Variants in POLR3A observed in about 807,000 individuals in gnomAD.
The protein encoded by POLR3A is RNA polymerase III subunit A, also known as DNA-directed RNA polymerase III subunit RPC1.
In POLR3A, 112 loss-of-function variants were observed where a neutral mutation model predicts 152.8. That is an observed-to-expected ratio of 0.73 (90% confidence interval 0.63 to 0.86). The LOEUF is 0.86. Ranked by LOEUF, POLR3A falls within the 40% of genes least tolerant of loss-of-function variation. The probability of loss-of-function intolerance (pLI) is 0.00; values close to 1 mark genes in which losing one functional copy is unlikely to be tolerated. For missense variants in POLR3A, 1,385 were observed against 1,743.1 expected (o/e 0.79, Z 3.66); for synonymous variants, 615 against 652.1 (o/e 0.94, Z 0.87).
intron 1 of POLR3A, among the ~76,000 whole-genome samples, chr10:78,027,512 T>C (rs1156867449): frequency 6.6e-6 from 1 of 151,958 alleles, no homozygotes; most frequent in Non-Finnish European, 1.5e-5. Context: ...ACAAAAAATT[T>C]GCTAGGCGTG....
At chr10:77,978,107 G>C (rs948458656) in intron 30 of POLR3A, among the ~76,000 whole-genome samples, 1 of 152,196 alleles carries the variant, frequency 6.6e-6, no homozygotes, top group African/African-American at 2.4e-5. Context: ...GTGCTCAGGG[G>C]AAGGGGCCAG....
intron 19 of POLR3A, among the ~76,000 whole-genome samples, chr10:77,998,781 T>A (rs903179385): frequency 6.6e-6 from 1 of 152,182 alleles, no homozygotes; most frequent in African/African-American, 2.4e-5. Flanking sequence ...TACCATTTGA[T>A]GCAGCAATCC....
intron 16 of POLR3A, among the ~76,000 whole-genome samples, chr10:78,003,961 C>T (rs1231067774): frequency 6.6e-6 from 1 of 151,658 alleles, no homozygotes. Context: ...ACTGGCTGGG[C>T]GTAGTGGCTT....
chr10:77,984,064 G>A (rs753680577), intron 25 of POLR3A, 52 bp from the exon 26 acceptor site: 2 of 1,399,654 alleles, frequency 1.4e-6, no homozygotes, highest in African/African-American at 1.4e-5. Flanking sequence ...CCTTTCCTAA[G>A]AGCACACGAC....
At position 77,983,966 on chromosome 10, in the gene POLR3A, A is replaced by T. The variant is rs749077202; in HGVS notation, c.3383T>A (p.Ile1128Asn). 6.2e-7 allele frequency: 1 copy of T among 1,613,108 alleles called. No individual in the cohort carries two copies. The highest frequency in any genetic ancestry group is 8.5e-7 in the Non-Finnish European group (1 of 1,179,062). ...CCGTTCCAGGGAGAGCTTGACGAGA[A>T]TAAAGCAGTCATCAGGAAGAAACAC... Reference protein sequence around the residue: ...EEVFLPDDCFILVKLSLERIR... With the variant: ...EEVFLPDDCFNLVKLSLERIR... Residue 1128 changes from isoleucine (I) to asparagine (N), a missense_variant, in exon 26 of 31, where the codon ATT becomes AAT. Physicochemically the swap from Ile to Asn is moderately radical, Grantham distance 149. Transcript: ENST00000372371.
chr10:78,010,403 A>G, intron 12 of POLR3A, 68 bp downstream of exon 12: 1 of 1,186,788 alleles, frequency 8.4e-7, no homozygotes, highest in Non-Finnish European at 1.3e-6. Flanking sequence ...CATCACATGA[A>G]TCACTATGAA....
intron 28 of POLR3A, 88 bp downstream of exon 28, chr10:77,982,066 A>AAAAAAAAAAAAAT: frequency 1.4e-6 from 1 of 721,918 alleles, no homozygotes. Context: ...AAAAAAAAAA[A>AAAAAAAAAAAAAT]GAAGTATACT....
chr10:77,982,847 G>T, intron 26 of POLR3A, 30 bp from the exon 27 acceptor site: 1 of 1,608,262 alleles, frequency 6.2e-7, no homozygotes, highest in South Asian at 1.1e-5. Flanking sequence ...AGGTGTTACT[G>T]ATTCCAGTGT....
chr10:77,984,037 T>A, intron 25 of POLR3A, 25 bp from the exon 26 acceptor site: 1 of 1,520,592 alleles, frequency 6.6e-7, no homozygotes, highest in Non-Finnish European at 9.1e-7. Context: ...GATCAGACTG[T>A]TAATCAGCCG....
In POLR3A at chr10:78,000,062, A is replaced by C; in HGVS notation, c.2535T>G (p.Thr845=). The change falls in exon 19 of 31, where the codon ACT becomes ACG. Residue 845 remains threonine (T), a synonymous_variant. Coordinates refer to ENST00000372371, the MANE Select transcript of POLR3A (RefSeq NM_007055.4). Reference sequence around the variant, plus strand: ...CGGCCATTGTGTGGAAGAAAAACTCAGTTGGTGTCAAACCGGAATAAAAGC... The same window carrying C: ...CGGCCATTGTGTGGAAGAAAAACTCCGTTGGTGTCAAACCGGAATAAAAGC... ...ANSFYSGLTP[T]EFFFHTMAGR... 1 of 1,614,020 alleles carries C rather than the reference A, an allele frequency of 6.2e-7. No individual in the cohort carries two copies. Among genetic ancestry groups the C allele is most frequent in the Non-Finnish European group, 8.5e-7 (1 of 1,179,876 alleles).
At chr10:77,983,638 G>T (rs1847169862) in intron 26 of POLR3A, among the ~76,000 whole-genome samples, 1 of 152,200 alleles carries the variant, frequency 6.6e-6, no homozygotes, top group Non-Finnish European at 1.5e-5. Context: ...TGGGAAGAGG[G>T]ACAACAAGAC....
intron 26 of POLR3A, among the ~76,000 whole-genome samples, chr10:77,983,445 G>A (rs1436205546): frequency 6.6e-6 from 1 of 152,226 alleles, no homozygotes; most frequent in Non-Finnish European, 1.5e-5. Context: ...AAGTTGGTCT[G>A]TTTGTGAGAA....
chr10:78,024,327 T>C (rs1013990857), intron 5 of POLR3A, among the ~76,000 whole-genome samples: 1 of 140,838 alleles, frequency 7.1e-6, no homozygotes, highest in Admixed American at 7.7e-5. Context: ...TTTGCACCAC[T>C]CACTCCAGCC....
At chr10:78,016,243 G>C (rs1044240622) in intron 10 of POLR3A, among the ~76,000 whole-genome samples, 1 of 152,110 alleles carries the variant, frequency 6.6e-6, no homozygotes, top group Non-Finnish European at 1.5e-5. Context: ...AAGCATTTTA[G>C]TTGCTTAGTT....
chr10:77,985,838 G>T, intron 23 of POLR3A, 65 bp downstream of exon 23: 1 of 1,200,076 alleles, frequency 8.3e-7, no homozygotes, highest in South Asian at 1.2e-5. Flanking sequence ...GTACACATGG[G>T]GAAACAGAAG....
chr10:78,019,933 G>A (rs953214539), intron 8 of POLR3A: 1 of 152,384 alleles, frequency 6.6e-6, no homozygotes, highest in African/African-American at 2.4e-5. Context: ...CAGCACTTTG[G>A]GAGGCCGAGG....
In POLR3A at chr10:77,991,109, G is replaced by C. The variant is rs1379472131; in HGVS notation, c.2846C>G (p.Thr949Arg). 1 of 1,613,884 alleles carries C rather than the reference G, an allele frequency of 6.2e-7. No homozygotes were observed. Among genetic ancestry groups the C allele is most frequent in the Admixed American group, 1.7e-5 (1 of 60,028 alleles). ...CTCACTCTTCTTCATGATGGACTCT[G>C]TGGTCAGGATCAGCTCGTTTTTGCT... Reference protein sequence around the residue: ...ALSKNELILTTESIMKKSEFL... With the variant: ...ALSKNELILTRESIMKKSEFL... The change falls in exon 21 of 31, where the codon ACA (threonine) becomes AGA (arginine). Residue 949 changes from threonine (T) to arginine (R), a missense_variant. Physicochemically the swap from Thr to Arg is moderately conservative, Grantham distance 71 (BLOSUM62 -1). This residue lies in a region of POLR3A where 178 missense variants were observed against 204.6 expected (regional missense o/e 0.87). Transcript: ENST00000372371.
intron 30 of POLR3A, among the ~76,000 whole-genome samples, chr10:77,979,895 G>T (rs551239582): frequency 6.6e-6 from 1 of 152,170 alleles, no homozygotes; most frequent in Non-Finnish European, 1.5e-5. Context: ...TCTTTGCTTC[G>T]TGGACCAAAA....
Position 77,990,045 on chromosome 10 carries a change from C to T in POLR3A, c.2901+1009G>A, listed in dbSNP as rs188700187. ...ACTCGCTGTTTTTATTTTTGATCTA[C>T]GGAAAGAGATACATTCTTCTTTGGC... is the stretch of plus-strand genomic sequence containing the variant. On this transcript the variant is annotated intron_variant, in intron 21 of 30. Coordinates refer to ENST00000372371, the MANE Select transcript of POLR3A (RefSeq NM_007055.4). Among the ~76,000 whole-genome samples the T allele has an allele frequency of 4.4e-3, 677 of 152,144 alleles. 1 individual carries two copies. The highest frequency in any genetic ancestry group is 0.016 in the African/African-American group (648 of 41,528).
Sources: allele counts gnomAD v4.1 joint callset (sites outside exome capture counted in the v4.1 genomes callset), GRCh38; gene constraint gnomAD v4.1.1; regional missense constraint gnomAD v4.1.1; transcripts MANE v1.5; gene names NCBI Gene and HGNC (gene_info 2026-07-23, HGNC 2026-07-21).